HS3ST4: variants seen among roughly 807,000 people sequenced by gnomAD.
The protein encoded by HS3ST4 is heparan sulfate glucosamine 3-O-sulfotransferase 4.
A neutral mutation model predicts 29.2 loss-of-function variants in HS3ST4; 17 were observed. That is an observed-to-expected ratio of 0.58 (90% CI 0.40 to 0.87). The LOEUF (loss-of-function observed/expected upper bound fraction) is 0.87. Among genes scored for constraint, HS3ST4 ranks in the 40% least tolerant of loss-of-function variants. The pLI is 0.00. For synonymous variants in HS3ST4, 314 were observed against 285.7 expected, an observed-to-expected ratio of 1.10 and a Z score of -1.00; for missense variants, 627 against 634.5, an observed-to-expected ratio of 0.99 and a Z score of 0.13.
intron 1 of HS3ST4, among the ~76,000 whole-genome samples, chr16:25,937,090 T>C (rs1968524102): frequency 1.3e-5 from 2 of 152,150 alleles, no homozygotes; most frequent in Non-Finnish European, 2.9e-5. Context: ...CCACTCAAGT[T>C]GGAATCAATT....
At chr16:25,945,144 T>C (rs1968612556) in intron 1 of HS3ST4, among the ~76,000 whole-genome samples, 1 of 152,140 alleles carries the variant, frequency 6.6e-6, no homozygotes, top group Admixed American at 6.5e-5. Context: ...TCAGACCATC[T>C]CCTACATGCT....
At chr16:25,790,549 A>T (rs996113698) in intron 1 of HS3ST4, among the ~76,000 whole-genome samples, 3 of 152,238 alleles carry the variant, frequency 2.0e-5, no homozygotes, top group Non-Finnish European at 4.4e-5. Flanking sequence ...CTTCACCAGC[A>T]CTTGGTATTG....
At chr16:25,976,776 C>T (rs1968947499) in intron 1 of HS3ST4, among the ~76,000 whole-genome samples, 1 of 152,142 alleles carries the variant, frequency 6.6e-6, no homozygotes, top group Non-Finnish European at 1.5e-5. Flanking sequence ...AGAGATAATA[C>T]ATATTATTGG....
chr16:25,846,701 T>G (rs1034920188), intron 1 of HS3ST4, among the ~76,000 whole-genome samples: 1 of 152,030 alleles, frequency 6.6e-6, no homozygotes, highest in Non-Finnish European at 1.5e-5. Context: ...TTAAAAAAAT[T>G]TTCTAATATA....
intron 1 of HS3ST4, among the ~76,000 whole-genome samples, chr16:26,105,483 C>G (rs1567313307): frequency 6.6e-6 from 1 of 152,222 alleles, no homozygotes; most frequent in Admixed American, 6.5e-5. Context: ...ACATATACCC[C>G]TGTGATTCCG....
intron 1 of HS3ST4, among the ~76,000 whole-genome samples, chr16:26,053,182 G>A (rs1898366658): frequency 6.6e-6 from 1 of 152,168 alleles, no homozygotes; most frequent in Non-Finnish European, 1.5e-5. Flanking sequence ...TGATACATAA[G>A]ACGCTCCCCT....
chr16:25,968,353 A>C (rs1353993047), intron 1 of HS3ST4, among the ~76,000 whole-genome samples: 3 of 152,188 alleles, frequency 2.0e-5, no homozygotes, highest in African/African-American at 7.2e-5. Context: ...CTGGACGATC[A>C]GGACCTCTGG....
chr16:26,035,329 G>C (rs1338292823), intron 1 of HS3ST4, among the ~76,000 whole-genome samples: 2 of 152,074 alleles, frequency 1.3e-5, no homozygotes, highest in Admixed American at 1.3e-4. Context: ...TCTACTCATG[G>C]ACTGGCAAAT....
intron 1 of HS3ST4, among the ~76,000 whole-genome samples, chr16:25,723,572 C>T (rs974638134): frequency 2.2e-4 from 33 of 152,102 alleles, no homozygotes; most frequent in Non-Finnish European, 1.0e-4. Flanking sequence ...TCATTGAAGC[C>T]GTCTTAGTTT....
At position 25,692,162 on chromosome 16, in the gene HS3ST4, G is replaced by C. The variant is rs1446801886; in HGVS notation, c.-256G>C. 2 of 149,934 alleles carry C rather than the reference G, an allele frequency of 1.3e-5. No homozygotes were observed. The highest frequency in any genetic ancestry group is 3.0e-5 in the Non-Finnish European group (2 of 67,088). The allele number at this position is 149,934 out of a possible 1,614,324, so 9.3% of individuals were successfully genotyped here. Reference sequence around the variant, plus strand: ...GTCCCCTTGCCTGAGGCTGAGGGGGGGGCGGTGGTGGGGGGGCCACCCGGA... The same window carrying C: ...GTCCCCTTGCCTGAGGCTGAGGGGGCGGCGGTGGTGGGGGGGCCACCCGGA... On this transcript the variant is annotated 5_prime_UTR_variant, in exon 1 of 2. Transcript: ENST00000331351.
At chr16:25,741,463 TC>T (rs1966652749) in intron 1 of HS3ST4, among the ~76,000 whole-genome samples, 1 of 148,682 alleles carries the variant, frequency 6.7e-6, no homozygotes, top group Admixed American at 6.7e-5. Flanking sequence ...ACTTTGAGGG[TC>T]CTGCTTCTTG....
At chr16:26,124,527 A>G (rs375860999) in intron 1 of HS3ST4, among the ~76,000 whole-genome samples, 2 of 152,226 alleles carry the variant, frequency 1.3e-5, no homozygotes, top group African/African-American at 4.8e-5. Flanking sequence ...CATACGTAGT[A>G]CAAGAGAACA....
intron 1 of HS3ST4, among the ~76,000 whole-genome samples, chr16:26,079,380 C>T (rs1170041874): frequency 6.6e-6 from 1 of 152,208 alleles, no homozygotes; most frequent in Non-Finnish European, 1.5e-5. Flanking sequence ...AGTAGTCAAG[C>T]TTGTATTCTT....
chr16:26,119,874 C>CAT (rs1367860028), intron 1 of HS3ST4, among the ~76,000 whole-genome samples: 1 of 152,070 alleles, frequency 6.6e-6, no homozygotes, highest in Non-Finnish European at 1.5e-5. Flanking sequence ...AGGCAATGAA[C>CAT]ATATGAACAA....
At chr16:25,809,766 G>A (rs1266801034) in intron 1 of HS3ST4, among the ~76,000 whole-genome samples, 2 of 152,058 alleles carry the variant, frequency 1.3e-5, no homozygotes, top group Non-Finnish European at 2.9e-5. Flanking sequence ...CTTCTAAGTT[G>A]TTGAATAGTG....
intron 1 of HS3ST4, among the ~76,000 whole-genome samples, chr16:25,730,331 TTTCC>T (rs1160228059): frequency 1.2e-4 from 19 of 152,042 alleles, no homozygotes; most frequent in Middle Eastern, 3.4e-3. Flanking sequence ...TCATTTTATA[TTTCC>T]TTCCTTCCTT....
At chr16:26,110,452 A>G (rs548227825) in intron 1 of HS3ST4, among the ~76,000 whole-genome samples, 11 of 152,204 alleles carry the variant, frequency 7.2e-5, no homozygotes, top group Admixed American at 3.9e-4. Flanking sequence ...TTCTCCTCCC[A>G]ATGTCTTCCT....
chr16:25,849,607 C>T (rs1967498240), intron 1 of HS3ST4, among the ~76,000 whole-genome samples: 1 of 152,142 alleles, frequency 6.6e-6, no homozygotes. Context: ...AGCCATCCTC[C>T]CGTCTTTGCA....
chr16:26,073,885 TC>T (rs1898629862), intron 1 of HS3ST4, among the ~76,000 whole-genome samples: 1 of 152,198 alleles, frequency 6.6e-6, no homozygotes, highest in Non-Finnish European at 1.5e-5. Flanking sequence ...TTTCTCTACC[TC>T]TCGGGTTACC....
Sources: allele counts gnomAD v4.1 joint callset (sites outside exome capture counted in the v4.1 genomes callset), GRCh38; gene constraint gnomAD v4.1.1; transcripts MANE v1.5; gene names NCBI Gene and HGNC (gene_info 2026-07-23, HGNC 2026-07-21).